Variants in MGAT4C observed in about 807,000 individuals in gnomAD.
MGAT4C encodes alpha-1,3-mannosyl-glycoprotein 4-beta-N-acetylglucosaminyltransferase C.
Under a neutral mutation model 40.1 loss-of-function variants are expected in MGAT4C, and 19 were observed. That is an observed-to-expected ratio of 0.47 (90% CI 0.33 to 0.70). The LOEUF (loss-of-function observed/expected upper bound fraction) is 0.70. Among genes scored for constraint, MGAT4C ranks in the 30% least tolerant of loss-of-function variants. MGAT4C has a pLI of 0.02. For synonymous variants in MGAT4C, 181 were observed against 187.1 expected (o/e 0.97, Z 0.27); for missense variants, 491 against 563.2 (o/e 0.87, Z 1.30).
intron 2 of MGAT4C, among the ~76,000 whole-genome samples, chr12:86,504,976 A>T (rs749098722): frequency 2.6e-5 from 4 of 152,146 alleles, no homozygotes; most frequent in Non-Finnish European, 5.9e-5. Flanking sequence ...TAGTTAAAGG[A>T]TACAATATCT....
intron 2 of MGAT4C, among the ~76,000 whole-genome samples, chr12:86,043,472 C>G (rs1892075290): frequency 6.6e-6 from 1 of 152,154 alleles, no homozygotes; most frequent in Non-Finnish European, 1.5e-5. Flanking sequence ...AAAAGGAGGT[C>G]AGAAGACTCA....
chr12:86,351,202 G>A (rs1380310885), intron 3 of MGAT4C, among the ~76,000 whole-genome samples: 1 of 151,806 alleles, frequency 6.6e-6, no homozygotes, highest in Admixed American at 6.6e-5. Context: ...TCCAAACCTA[G>A]GCCAAATTTG....
intron 2 of MGAT4C, among the ~76,000 whole-genome samples, chr12:86,725,792 C>T (rs1434156705): frequency 6.6e-6 from 1 of 152,120 alleles, no homozygotes; most frequent in African/African-American, 2.4e-5. Context: ...TGTATACAAC[C>T]ATGCTGTTGT....
rs1321085925 is a variant in MGAT4C at position 86,272,955 on chromosome 12, C to T, written c.-57+61110G>A. ...AGGTTTGCCTGACAATGACCCTCTA[C>T]ATCATAAACAGCAACATAGCTCTTT... is the stretch of plus-strand genomic sequence containing the variant. On this transcript the variant is annotated intron_variant, in intron 4 of 7. Transcript: ENST00000548651. Among the ~76,000 whole-genome samples the T allele has an allele frequency of 2.0e-5, 3 of 152,286 alleles. No homozygotes were observed. The East Asian group carries it at 5.8e-4, about 29-fold the overall frequency.
At chr12:86,280,874 C>T (rs1953202346) in intron 4 of MGAT4C, among the ~76,000 whole-genome samples, 1 of 151,836 alleles carries the variant, frequency 6.6e-6, no homozygotes, top group Non-Finnish European at 1.5e-5. Context: ...CCTTTGTAGT[C>T]TTTTATGTTT....
At chr12:86,638,432 T>C (rs1243577669) in intron 2 of MGAT4C, among the ~76,000 whole-genome samples, 1 of 151,786 alleles carries the variant, frequency 6.6e-6, no homozygotes, top group African/African-American at 2.4e-5. Flanking sequence ...ACCTATATGG[T>C]AGTATTTGGA....
At chr12:86,564,697 A>C (rs764635540) in intron 2 of MGAT4C, among the ~76,000 whole-genome samples, 3 of 152,216 alleles carry the variant, frequency 2.0e-5, no homozygotes, top group Non-Finnish European at 4.4e-5. Flanking sequence ...CCCCTCGTAC[A>C]ATCAAGAAAG....
intron 2 of MGAT4C, among the ~76,000 whole-genome samples, chr12:86,044,341 ATGTT>A (rs1421123133): frequency 1.1e-4 from 17 of 152,236 alleles, no homozygotes; most frequent in African/African-American, 3.4e-4. Flanking sequence ...AGAAGAATTC[ATGTT>A]TGTTTGCACA....
chr12:86,292,613 G>A (rs1216833599), intron 4 of MGAT4C, among the ~76,000 whole-genome samples: 3 of 152,050 alleles, frequency 2.0e-5, no homozygotes, highest in Non-Finnish European at 4.4e-5. Flanking sequence ...GCTGTCATAG[G>A]TAATGTGATG....
intron 2 of MGAT4C, among the ~76,000 whole-genome samples, chr12:86,501,087 G>A (rs1236088307): frequency 6.6e-6 from 1 of 152,006 alleles, no homozygotes; most frequent in Non-Finnish European, 1.5e-5. Context: ...CACACAGAAA[G>A]AAGATGGTCT....
chr12:86,762,213 G>A (rs985094168), intron 1 of MGAT4C, among the ~76,000 whole-genome samples: 1 of 151,842 alleles, frequency 6.6e-6, no homozygotes, highest in Non-Finnish European at 1.5e-5. Context: ...CACCACACCT[G>A]CTAATTTTTG....
intron 2 of MGAT4C, among the ~76,000 whole-genome samples, chr12:86,489,957 T>G (rs1216107854): frequency 6.6e-6 from 1 of 152,112 alleles, no homozygotes; most frequent in Non-Finnish European, 1.5e-5. Flanking sequence ...TTGGTGTACC[T>G]GAAAGTGACG....
intron 1 of MGAT4C, among the ~76,000 whole-genome samples, chr12:86,246,243 T>C (rs1952021602): frequency 7.1e-6 from 1 of 140,268 alleles, no homozygotes. Context: ...TGGAGCGCAG[T>C]GGCTTGATCT....
At chr12:86,821,379 T>C (rs774727217) in intron 1 of MGAT4C, among the ~76,000 whole-genome samples, 2 of 150,884 alleles carry the variant, frequency 1.3e-5, no homozygotes, top group African/African-American at 4.8e-5. Context: ...TATGGATGCA[T>C]AATTTTGCAT....
intron 2 of MGAT4C, among the ~76,000 whole-genome samples, chr12:86,715,050 G>A (rs1208500167): frequency 1.3e-5 from 2 of 151,940 alleles, no homozygotes; most frequent in East Asian, 1.9e-4. Context: ...AACTTATCTC[G>A]TTATGTTTAA....
chr12:86,055,589 G>T (rs1430572075), intron 1 of MGAT4C, among the ~76,000 whole-genome samples: 1 of 151,914 alleles, frequency 6.6e-6, no homozygotes, highest in Non-Finnish European at 1.5e-5. Context: ...ATCTTTAATT[G>T]ATTTGTCTAT....
chr12:86,011,481 GAA>G (rs972140546), intron 2 of MGAT4C, among the ~76,000 whole-genome samples: 4 of 152,156 alleles, frequency 2.6e-5, no homozygotes, highest in African/African-American at 9.7e-5. Flanking sequence ...GATTAAGAAA[GAA>G]TATTTTCTGC....
At chr12:86,349,696 C>T (rs184711703) in intron 3 of MGAT4C, among the ~76,000 whole-genome samples, 25 of 152,192 alleles carry the variant, frequency 1.6e-4, no homozygotes, top group Admixed American at 1.2e-3. Context: ...TACTCTGGAT[C>T]ACATAGCCAG....
At chr12:86,176,400 C>CT (rs1887435555) in intron 1 of MGAT4C, among the ~76,000 whole-genome samples, 1 of 152,118 alleles carries the variant, frequency 6.6e-6, no homozygotes, top group African/African-American at 2.4e-5. Flanking sequence ...TTTTGTGTAA[C>CT]TTTCGCATAT....
Sources: allele counts gnomAD v4.1 joint callset (sites outside exome capture counted in the v4.1 genomes callset), GRCh38; gene constraint gnomAD v4.1.1; transcripts MANE v1.5; gene names NCBI Gene and HGNC (gene_info 2026-07-23, HGNC 2026-07-21).